Variants in RBMXL1 observed in about 807,000 individuals in gnomAD.
RBMXL1 encodes the protein RBMX like 1, also known as RNA binding motif protein, X-linked-like-1.
Under a neutral mutation model 29.0 loss-of-function variants are expected in RBMXL1, and 18 were observed. The ratio of observed to expected loss-of-function variants is 0.62; its 90% CI spans 0.43 to 0.92. RBMXL1 has a LOEUF of 0.92. Among genes scored for constraint, RBMXL1 ranks in the 40% least tolerant of loss-of-function variants. The pLI, the probability that RBMXL1 is intolerant of heterozygous loss-of-function variation, is 0.00. For synonymous variants in RBMXL1, 141 were observed against 170.4 expected (o/e 0.83, Z 1.34); for missense variants, 403 against 495.8 (o/e 0.81, Z 1.78).
chr1:88,984,140 A>C (rs1427374529), intron 2 of RBMXL1, 74 bp from the exon 3 acceptor site: 11 of 384,716 alleles, frequency 2.9e-5, no homozygotes, highest in African/African-American at 4.0e-5. Flanking sequence ...TTAAAGATAC[A>C]TAAAAAATGC....
At position 88,981,928 on chromosome 1, in the gene RBMXL1, G is replaced by C. The variant is rs1378993964; in HGVS notation, c.*726C>G. 1.0e-6 allele frequency: 1 copy of C among 975,892 alleles called. No homozygotes were observed. The highest frequency in any genetic ancestry group is 1.1e-4 in the East Asian group (1 of 8,762). The allele number at this position is 975,892 out of a possible 1,614,324, so 60.5% of individuals were successfully genotyped here. Reference sequence around the variant, plus strand: ...TGAGACATTAGAGTTGCAAAAATTTGAAAGAGTAAGAGCAAGCACCTTTGC... The same window carrying C: ...TGAGACATTAGAGTTGCAAAAATTTCAAAGAGTAAGAGCAAGCACCTTTGC... On this transcript the variant is annotated 3_prime_UTR_variant, in exon 3 of 3. Transcript: ENST00000652648.
Position 88,982,680 on chromosome 1 carries a change from T to C in RBMXL1, c.1147A>G (p.Arg383Gly). ...GAGPGGSRSD[R>G]GGGRSRY ...TAGTATCTGCTTCTGCCTCCCCCTCTATCAGATCGGCTTCCTCCAGGGCCA... is the reference window on the plus strand; with the variant it reads ...TAGTATCTGCTTCTGCCTCCCCCTCCATCAGATCGGCTTCCTCCAGGGCCA... Residue 383 changes from arginine to glycine, a missense_variant, in exon 3 of 3, where the codon AGA becomes GGA. Physicochemically the swap from Arg to Gly is moderately radical, Grantham distance 125. Transcript: ENST00000652648. The C allele has an allele frequency of 6.2e-7, 1 of 1,613,124 alleles. No homozygotes were observed. Among genetic ancestry groups the C allele is most frequent in the Non-Finnish European group, 8.5e-7 (1 of 1,179,366 alleles).
chr1:88,980,502 A>G lies in RBMXL1; in HGVS notation c.*2152T>C, dbSNP rs896609317. 6.6e-6 allele frequency: 1 copy of G among 152,546 alleles called. No homozygotes were observed. The highest frequency in any genetic ancestry group is 2.4e-5 in the African/African-American group (1 of 41,388). 9.4% of individuals were successfully genotyped at this position (152,546 alleles called of 1,614,324 possible). On this transcript the variant is annotated 3_prime_UTR_variant, in exon 3 of 3. Transcript: ENST00000652648. The stretch of plus-strand genomic sequence containing the variant: ...TCCAAAAAGTGAAAAGTGATCTATA[A>G]TACCCAAGTTCTATGTTCAACTACC...
At chr1:88,986,589 G>A (rs575835256) in intron 2 of RBMXL1, among the ~76,000 whole-genome samples, 3 of 151,862 alleles carry the variant, frequency 2.0e-5, no homozygotes, top group East Asian at 3.9e-4. Flanking sequence ...ACTGCGCCCC[G>A]CCTACATTTT....
rs1370661677 is a variant in RBMXL1, at chr1:88,982,055, T to G, written c.*599A>C. ...TGTGGGAGGGGAAAGGGGAGGTTCT[T>G]GCAGATTCCCAAGGAAATGTCAGAA... On this transcript the variant is annotated 3_prime_UTR_variant, in exon 3 of 3. Coordinates refer to ENST00000652648, the MANE Select transcript of RBMXL1 (RefSeq NM_001162536.3). 1.0e-6 allele frequency: 1 copy of G among 983,972 alleles called. No individual in the cohort carries two copies. The highest frequency in any genetic ancestry group is 1.2e-6 in the Non-Finnish European group (1 of 828,214). The allele number at this position is 983,972 out of a possible 1,614,324, so 61.0% of individuals were successfully genotyped here.
At chr1:88,988,192 A>G (rs1677581164) in intron 2 of RBMXL1, 60 bp downstream of exon 2, 2 of 1,060,620 alleles carry the variant, frequency 1.9e-6, no homozygotes, top group East Asian at 2.4e-5. Flanking sequence ...GAAAAATTAC[A>G]TATTTTTTGG....
rs905427436 is a variant in RBMXL1 at position 88,992,581 on chromosome 1, T to C, written c.-341+4A>G. 1 of 152,474 alleles carries C rather than the reference T, an allele frequency of 6.6e-6. No homozygotes were observed. The highest frequency in any genetic ancestry group is 2.4e-5 in the African/African-American group (1 of 41,432). 9.4% of individuals were successfully genotyped at this position (152,474 alleles called of 1,614,324 possible). A position where few individuals can be genotyped will look rare whatever the true frequency, so the allele number is the denominator to read the frequency against. On this transcript the variant is annotated splice_donor_region_variant and intron_variant, in intron 1 of 2. Coordinates refer to ENST00000652648, the MANE Select transcript of RBMXL1 (RefSeq NM_001162536.3). ...GCGCCGCGCCGCGCGCCCGCCCCAC[T>C]CACCTATCCGGTGCGGGAACCTCGC...
Position 88,982,505 on chromosome 1 carries a change from T to C in RBMXL1, c.*149A>G, listed in dbSNP as rs1677142339. On this transcript the variant is annotated 3_prime_UTR_variant, in exon 3 of 3. Transcript: ENST00000652648. ...TTTTACTTTTTTCCTCACAAGAACATAAAAATTACGGAAGGGACTTAACAG... is the reference window on the plus strand; with the variant it reads ...TTTTACTTTTTTCCTCACAAGAACACAAAAATTACGGAAGGGACTTAACAG... 7.8e-7 allele frequency: 1 copy of C among 1,274,470 alleles called. No individual in the cohort carries two copies. Among genetic ancestry groups the C allele is most frequent in the Non-Finnish European group, 1.1e-6 (1 of 942,112 alleles). The allele number at this position is 1,274,470 out of a possible 1,614,324, so 78.9% of individuals were successfully genotyped here.
chr1:88,981,875 C>T lies in RBMXL1; in HGVS notation c.*779G>A, dbSNP rs937561907. 3.9e-6 allele frequency: 3 copies of T among 776,204 alleles called. No homozygotes were observed. The highest frequency in any genetic ancestry group is 1.9e-5 in the African/African-American group (1 of 52,714). 48.1% of individuals were successfully genotyped at this position (776,204 alleles called of 1,614,324 possible). A position where few individuals can be genotyped will look rare whatever the true frequency, so the allele number is the denominator to read the frequency against. ...AAATTCATTGCTTATCTATTTTCTC[C>T]TTTGCAATCAAGCTGTTCCTTTAAA... is the stretch of plus-strand genomic sequence containing the variant. On this transcript the variant is annotated 3_prime_UTR_variant, in exon 3 of 3. Transcript: ENST00000652648.
In RBMXL1 at chr1:88,982,911, C is replaced by T; in HGVS notation, c.916G>A (p.Gly306Arg). 1.2e-6 allele frequency: 2 copies of T among 1,613,996 alleles called. No individual in the cohort carries two copies. The highest frequency in any genetic ancestry group is 1.7e-6 in the Non-Finnish European group (2 of 1,179,882). Reference sequence around the variant, plus strand: ...CTATAATCATCATAGCGACTGCTTCCACCATAAGATGGCGGGGGCCCTCGT... The same window carrying T: ...CTATAATCATCATAGCGACTGCTTCTACCATAAGATGGCGGGGGCCCTCGT... Reference protein sequence around the residue: ...LTRGPPPSYGGSSRYDDYSSS... With the variant: ...LTRGPPPSYGRSSRYDDYSSS... The change falls in exon 3 of 3, where the codon GGA becomes AGA. Residue 306 changes from glycine (G) to arginine (R), a missense_variant. By Grantham distance (125) the Gly-to-Arg change is moderately radical. Coordinates refer to ENST00000652648, the MANE Select transcript of RBMXL1 (RefSeq NM_001162536.3).
chr1:88,986,588 C>T (rs187662960), intron 2 of RBMXL1, among the ~76,000 whole-genome samples: 36 of 152,054 alleles, frequency 2.4e-4, no homozygotes, highest in Admixed American at 6.5e-4. Flanking sequence ...CACTGCGCCC[C>T]GCCTACATTT....
chr1:88,979,875 C>T lies in RBMXL1; in HGVS notation c.*2779G>A, dbSNP rs1676992706. ...CACAGTGGCTTGTACACAAATGTTCCTAACAGTTTTATTCACAGTAGCCCC... is the reference window on the plus strand; with the variant it reads ...CACAGTGGCTTGTACACAAATGTTCTTAACAGTTTTATTCACAGTAGCCCC... On this transcript the variant is annotated 3_prime_UTR_variant, in exon 3 of 3. Coordinates refer to ENST00000652648, the MANE Select transcript of RBMXL1 (RefSeq NM_001162536.3). 3.3e-5 allele frequency: 5 copies of T among 152,170 alleles called. No individual in the cohort carries two copies. The highest frequency in any genetic ancestry group is 3.3e-4 in the Admixed American group (5 of 15,278). 9.4% of individuals were successfully genotyped at this position (152,170 alleles called of 1,614,324 possible).
At position 88,982,765 on chromosome 1, in the gene RBMXL1, C is replaced by G; in HGVS notation, c.1062G>C (p.Arg354Ser). Reference sequence around the variant, plus strand: ...AGGAATCACGTGAAGAAGGGTACCCCCTTTCTACAGAAGGGGGAAGCCCTC... The same window carrying G: ...AGGAATCACGTGAAGAAGGGTACCCGCTTTCTACAGAAGGGGGAAGCCCTC... ...QERGLPPSVE[R>S]GYPSSRDSYS... Residue 354 changes from arginine to serine, a missense_variant, in exon 3 of 3, where the codon AGG (arginine) becomes AGC (serine). Physicochemically the swap from Arg to Ser is moderately radical, Grantham distance 110 (BLOSUM62 -1). Transcript: ENST00000652648. 1.2e-6 allele frequency: 2 copies of G among 1,613,928 alleles called. No homozygotes were observed. The highest frequency in any genetic ancestry group is 1.7e-6 in the Non-Finnish European group (2 of 1,179,848).
intron 2 of RBMXL1, among the ~76,000 whole-genome samples, chr1:88,986,098 T>C (rs552912883): frequency 2.0e-5 from 3 of 151,528 alleles, no homozygotes; most frequent in Non-Finnish European, 2.9e-5. Flanking sequence ...GGAGAATTGC[T>C]TGAACCCGAG....
rs544960798 is a variant in RBMXL1, at chr1:88,988,697, A to G, written c.-340-346T>C. Among the ~76,000 whole-genome samples the G allele has an allele frequency of 6.6e-5, 10 of 152,368 alleles. No individual in the cohort carries two copies. In the South Asian group the frequency reaches 2.1e-3, roughly 32 times the overall value. ...TTCTAGCAGCTATAAAATCCAGAGT[A>G]TTTCAATCTAGGAACTACTCAAATT... On this transcript the variant is annotated intron_variant, in intron 1 of 2. Transcript: ENST00000652648.
chr1:88,986,792 G>C (rs1002464815), intron 2 of RBMXL1, among the ~76,000 whole-genome samples: 4 of 152,112 alleles, frequency 2.6e-5, no homozygotes, highest in African/African-American at 4.8e-5. Flanking sequence ...GGCTGGTTCT[G>C]ACAAGTCTTT....
rs922278223 is a variant in RBMXL1 at position 88,983,852 on chromosome 1, G to A, written c.-26C>T. 4 of 1,602,224 alleles carry A rather than the reference G, an allele frequency of 2.5e-6. No homozygotes were observed. The African/African-American group carries it at 4.1e-5, about 16-fold the overall frequency. The stretch of plus-strand genomic sequence containing the variant: ...TTTTTTTTTTGCCGGTGAGTCGGAG[G>A]GGTGACAGTGGGTTCAAGCTCCAAC... On this transcript the variant is annotated 5_prime_UTR_variant, in exon 3 of 3. Transcript: ENST00000652648.
chr1:88,990,707 T>C (rs1301388849), intron 1 of RBMXL1, among the ~76,000 whole-genome samples: 1 of 152,208 alleles, frequency 6.6e-6, no homozygotes, highest in Non-Finnish European at 1.5e-5. Context: ...TGTAAGGAAC[T>C]GTGGGAGCAT....
At chr1:88,992,383 C>T (rs1677858840) in intron 1 of RBMXL1, among the ~76,000 whole-genome samples, 1 of 152,226 alleles carries the variant, frequency 6.6e-6, no homozygotes, top group Non-Finnish European at 1.5e-5. Flanking sequence ...CTAGGGGATT[C>T]CCCCCTGGAG....
Sources: allele counts gnomAD v4.1 joint callset (sites outside exome capture counted in the v4.1 genomes callset), GRCh38; gene constraint gnomAD v4.1.1; transcripts MANE v1.5; gene names NCBI Gene and HGNC (gene_info 2026-07-23, HGNC 2026-07-21).